The following PRMT5 variants were observed in gnomAD, a reference collection of about 807,000 sequenced individuals.
PRMT5 encodes protein arginine methyltransferase 5.
Under a neutral mutation model 84.0 loss-of-function variants are expected in PRMT5, and 15 were observed. The observed-to-expected ratio is 0.18, with a 90% CI of 0.12 to 0.28. PRMT5 has a LOEUF of 0.28. Among genes scored for constraint, PRMT5 ranks in the 10% least tolerant of loss-of-function variants. The probability of loss-of-function intolerance (pLI) is 1.00; values close to 1 mark genes in which losing one functional copy is unlikely to be tolerated. For missense variants in PRMT5, 486 were observed against 808.0 expected (o/e 0.60, Z 4.83); for synonymous variants, 276 against 292.4 (o/e 0.94, Z 0.57).
rs1271320096 is a variant in PRMT5 at position 22,923,502 on chromosome 14, T to TTATA, written c.1376-343_1376-342insTATA. On this transcript the variant is annotated intron_variant, in intron 12 of 16. Coordinates refer to ENST00000324366, the MANE Select transcript of PRMT5 (RefSeq NM_006109.5). This position sits in a 1 kb window ranked among gnomAD's most constrained non-coding sequence, Gnocchi z 5.2. The stretch of plus-strand genomic sequence containing the variant: ...CTCAGGGTACATATGTCATATTTAT[T>TTATA]TATTTATTTATTTATTTATTTATTT... 1 of 150,214 alleles carries TTATA rather than the reference T, an allele frequency of 6.7e-6. No homozygotes were observed. Among genetic ancestry groups the TTATA allele is most frequent in the Non-Finnish European group, 1.5e-5 (1 of 68,242 alleles). 9.3% of individuals were successfully genotyped at this position (150,214 alleles called of 1,614,324 possible).
chr14:22,926,924 CT>C, intron 4 of PRMT5, 110 bp from the exon 5 acceptor site: 1 of 717,958 alleles, frequency 1.4e-6, no homozygotes. Context: ...CCTTTATATG[CT>C]TTTCCCAATT....
chr14:22,927,485 C>T, intron 4 of PRMT5, 41 bp downstream of exon 4: 1 of 1,611,758 alleles, frequency 6.2e-7, no homozygotes, highest in Non-Finnish European at 8.5e-7. Context: ...CACAATCTGA[C>T]TACTATGATA....
chr14:22,928,015 C>T lies in PRMT5; in HGVS notation c.315+111G>A, dbSNP rs1037771976. 3 of 1,000,560 alleles carry T rather than the reference C, an allele frequency of 3.0e-6. No individual in the cohort carries two copies. The highest frequency in any genetic ancestry group is 2.3e-5 in the Admixed American group (1 of 42,684). The allele number at this position is 1,000,560 out of a possible 1,614,324, so 62.0% of individuals were successfully genotyped here. Reference sequence around the variant, plus strand: ...TGCACCACAGCACCCAGCCTAATAGCTTTAATTTCATTCTATCAGTTAATT... The same window carrying T: ...TGCACCACAGCACCCAGCCTAATAGTTTTAATTTCATTCTATCAGTTAATT... On this transcript the variant is annotated intron_variant, in intron 3 of 16. Transcript: ENST00000324366. The surrounding 1 kb of genome is among the most constrained non-coding windows in gnomAD (Gnocchi z 4.8).
In PRMT5 at chr14:22,920,956, A is replaced by T; in HGVS notation, c.1862T>A (p.Val621Asp). 3 of 1,614,230 alleles carry T rather than the reference A, an allele frequency of 1.9e-6. No homozygotes were observed. The highest frequency in any genetic ancestry group is 1.1e-5 in the South Asian group (1 of 91,088). Reference protein sequence around the residue: ...VWYEWAVTAPVCSAIHNPTGR... With the variant: ...VWYEWAVTAPDCSAIHNPTGR... ...TGTGGGGTTATGAATAGCAGAACAG[A>T]CTGGTGCTGTCACAGCCCACTCATA... The change falls in exon 17 of 17, where the codon GTC becomes GAC. Residue 621 changes from valine to aspartate, a missense_variant. Physicochemically the swap from Val to Asp is radical, Grantham distance 152. This residue lies in a region of PRMT5 where 219 missense variants were observed against 433.6 expected (regional missense o/e 0.51). Transcript: ENST00000324366.
At position 22,926,238 on chromosome 14, in the gene PRMT5, C is replaced by T. The variant is rs1426657818; in HGVS notation, c.672G>A (p.Glu224=). Residue 224 remains glutamate (E), a synonymous_variant, in exon 7 of 17, where the codon GAG becomes GAA. Coordinates refer to ENST00000324366, the MANE Select transcript of PRMT5 (RefSeq NM_006109.5). ...SNHVIDRWLG[E]PIKAAILPTS... is the part of the protein sequence containing the mutation. ...TGGGGAGAATGGCTGCTTTGATGGG[C>T]TCCCCAAGCCAGCGATCAATGACAT... 5.0e-6 allele frequency: 8 copies of T among 1,613,720 alleles called. No homozygotes were observed. The South Asian group carries it at 5.5e-5, about 11-fold the overall frequency.
Position 22,920,621 on chromosome 14 carries a change from A to C in PRMT5, c.*283T>G. Reference sequence around the variant, plus strand: ...AAGGCTGAAAATCCGTTCAAACCCCATGTTCTCAGGGATATTCCAGGGAGT... The same window carrying C: ...AAGGCTGAAAATCCGTTCAAACCCCCTGTTCTCAGGGATATTCCAGGGAGT... On this transcript the variant is annotated 3_prime_UTR_variant, in exon 17 of 17. Transcript: ENST00000324366. The C allele has an allele frequency of 1.5e-6, 1 of 647,970 alleles. No individual in the cohort carries two copies. The highest frequency in any genetic ancestry group is 2.9e-6 in the Non-Finnish European group (1 of 341,900). The allele number at this position is 647,970 out of a possible 1,614,324, so 40.1% of individuals were successfully genotyped here.
chr14:22,923,952 C>T lies in PRMT5; in HGVS notation c.1375+56G>A. On this transcript the variant is annotated intron_variant, in intron 12 of 16. Transcript: ENST00000324366. This position sits in a 1 kb window ranked among gnomAD's most constrained non-coding sequence, Gnocchi z 5.2. The stretch of plus-strand genomic sequence containing the variant: ...TTCCCCTAAACCCTGTACCCTCCTC[C>T]CAGGTTGCTGTCTCACCCATCATCA... 1 of 1,514,556 alleles carries T rather than the reference C, an allele frequency of 6.6e-7. No individual in the cohort carries two copies. Among genetic ancestry groups the T allele is most frequent in the Non-Finnish European group, 8.8e-7 (1 of 1,133,706 alleles). The allele number at this position is 1,514,556 out of a possible 1,614,324, so 93.8% of individuals were successfully genotyped here. A position where few individuals can be genotyped will look rare whatever the true frequency, so the allele number is the denominator to read the frequency against.
chr14:22,923,494 A>ATATT lies in PRMT5; in HGVS notation c.1376-338_1376-335dup, dbSNP rs72266907. 0.23 allele frequency: 33,329 copies of ATATT among 148,128 alleles called. 4,264 individuals carry two copies. Among genetic ancestry groups the ATATT allele is most frequent in the African/African-American group, 0.35 (13,709 of 39,536 alleles). The allele number at this position is 148,128 out of a possible 1,614,324, so 9.2% of individuals were successfully genotyped here. A position where few individuals can be genotyped will look rare whatever the true frequency, so the allele number is the denominator to read the frequency against. ...AAGCTAAGCTCAGGGTACATATGTC[A>ATATT]TATTTATTTATTTATTTATTTATTT... On this transcript the variant is annotated intron_variant, in intron 12 of 16. Coordinates refer to ENST00000324366, the MANE Select transcript of PRMT5 (RefSeq NM_006109.5). This position sits in a 1 kb window ranked among gnomAD's most constrained non-coding sequence, Gnocchi z 5.2.
At chr14:22,921,176 G>T in intron 16 of PRMT5, 120 bp from the exon 17 acceptor site, 2 of 1,230,260 alleles carry the variant, frequency 1.6e-6, no homozygotes, top group Non-Finnish European at 2.3e-6. Flanking sequence ...CCTCATGAAA[G>T]TTATTTGAAG....
intron 1 of PRMT5, 165 bp downstream of exon 1, chr14:22,929,087 C>A: frequency 6.4e-7 from 1 of 1,556,464 alleles, no homozygotes; most frequent in Non-Finnish European, 8.8e-7. Flanking sequence ...AAGTTATTTT[C>A]CTCACGTTAC....
At chr14:22,922,919 C>A in intron 13 of PRMT5, 84 bp from the exon 14 acceptor site, 1 of 1,447,548 alleles carries the variant, frequency 6.9e-7, no homozygotes, top group Non-Finnish European at 9.5e-7. Flanking sequence ...AAAAGTTTTA[C>A]TTTAGTGCTT....
rs928943784 is a variant in PRMT5, at chr14:22,924,680, T to C, written c.969A>G (p.Thr323=). ...TGGGGTCCTTTTCAAACACTTCATA[T>C]GTCTGAGATTCCAGATTGTCCATCA... ...QPLMDNLESQ[T]YEVFEKDPIK... The change falls in exon 9 of 17, where the codon ACA becomes ACG. Residue 323 remains threonine (T), a synonymous_variant. Transcript: ENST00000324366. This position sits in a 1 kb window ranked among gnomAD's most constrained non-coding sequence, Gnocchi z 6.5. The C allele has an allele frequency of 3.1e-6, 5 of 1,614,166 alleles. No individual in the cohort carries two copies. In the South Asian group the frequency reaches 5.5e-5, roughly 18 times the overall value.
At chr14:22,927,487 A>T in intron 4 of PRMT5, 39 bp downstream of exon 4, 1 of 1,612,080 alleles carries the variant, frequency 6.2e-7, no homozygotes, top group Non-Finnish European at 8.5e-7. Flanking sequence ...CAATCTGACT[A>T]CTATGATATG....
chr14:22,928,740 C>T lies in PRMT5; in HGVS notation c.111-125G>A. 1 of 808,170 alleles carries T rather than the reference C, an allele frequency of 1.2e-6. No individual in the cohort carries two copies. Among genetic ancestry groups the T allele is most frequent in the Admixed American group, 1.9e-5 (1 of 53,982 alleles). The allele number at this position is 808,170 out of a possible 1,614,324, so 50.1% of individuals were successfully genotyped here. Reference sequence around the variant, plus strand: ...GCTGCCATCAGTTCAGCCTACTAGGCTGCTGAGTTCAGACCACCTTGGGGG... The same window carrying T: ...GCTGCCATCAGTTCAGCCTACTAGGTTGCTGAGTTCAGACCACCTTGGGGG... On this transcript the variant is annotated intron_variant, in intron 1 of 16. Transcript: ENST00000324366. This position sits in a 1 kb window ranked among gnomAD's most constrained non-coding sequence, Gnocchi z 4.8.
At position 22,923,259 on chromosome 14, in the gene PRMT5, A is replaced by G; in HGVS notation, c.1376-99T>C. On this transcript the variant is annotated intron_variant, in intron 12 of 16. Coordinates refer to ENST00000324366, the MANE Select transcript of PRMT5 (RefSeq NM_006109.5). This position sits in a 1 kb window ranked among gnomAD's most constrained non-coding sequence, Gnocchi z 5.2. Reference sequence around the variant, plus strand: ...GGATCAAACCTCCCATGTCAAAACCAACCAACGTTGGCATGGGCATGGAAG... The same window carrying G: ...GGATCAAACCTCCCATGTCAAAACCGACCAACGTTGGCATGGGCATGGAAG... 1.2e-6 allele frequency: 1 copy of G among 864,618 alleles called. No homozygotes were observed. Among genetic ancestry groups the G allele is most frequent in the Non-Finnish European group, 1.8e-6 (1 of 569,624 alleles). 53.6% of individuals were successfully genotyped at this position (864,618 alleles called of 1,614,324 possible).
intron 3 of PRMT5, among the ~76,000 whole-genome samples, 157 bp downstream of exon 3, chr14:22,927,969 A>C (rs574846972): frequency 2.6e-5 from 4 of 152,250 alleles, no homozygotes; most frequent in Admixed American, 2.6e-4. Flanking sequence ...TCAGCCTCCC[A>C]AAGTGCTAGG....
At position 22,923,930 on chromosome 14, in the gene PRMT5, C is replaced by T; in HGVS notation, c.1375+78G>A. 7 of 1,483,496 alleles carry T rather than the reference C, an allele frequency of 4.7e-6. No homozygotes were observed. The highest frequency in any genetic ancestry group is 6.3e-6 in the Non-Finnish European group (7 of 1,112,054). 91.9% of individuals were successfully genotyped at this position (1,483,496 alleles called of 1,614,324 possible). A position where few individuals can be genotyped will look rare whatever the true frequency, so the allele number is the denominator to read the frequency against. ...TGTGACCCAGGTCCAACCCACTTTC[C>T]CCTAAACCCTGTACCCTCCTCCCAG... On this transcript the variant is annotated intron_variant, in intron 12 of 16. Coordinates refer to ENST00000324366, the MANE Select transcript of PRMT5 (RefSeq NM_006109.5). The surrounding 1 kb of genome is among the most constrained non-coding windows in gnomAD (Gnocchi z 5.2).
At chr14:22,929,206 C>A in intron 1 of PRMT5, 46 bp downstream of exon 1, 1 of 1,614,010 alleles carries the variant, frequency 6.2e-7, no homozygotes, top group Non-Finnish European at 8.5e-7. Context: ...CTTCTCCGTC[C>A]CCGAGTTCGG....
At position 22,928,712 on chromosome 14, in the gene PRMT5, T is replaced by C. The variant is rs1051730415; in HGVS notation, c.111-97A>G. The C allele has an allele frequency of 1.5e-5, 14 of 952,546 alleles. 1 individual carries two copies. The highest frequency in any genetic ancestry group is 2.4e-5 in the Non-Finnish European group (14 of 584,726). 59.0% of individuals were successfully genotyped at this position (952,546 alleles called of 1,614,324 possible). ...GCTATCTTGATTTTGCACAGCCCTT[T>C]CAGCTGCCATCAGTTCAGCCTACTA... On this transcript the variant is annotated intron_variant, in intron 1 of 16. Transcript: ENST00000324366. This position sits in a 1 kb window ranked among gnomAD's most constrained non-coding sequence, Gnocchi z 4.8.
Sources: allele counts gnomAD v4.1 joint callset (sites outside exome capture counted in the v4.1 genomes callset), GRCh38; gene constraint gnomAD v4.1.1; regional missense constraint gnomAD v4.1.1; non-coding constraint Gnocchi (gnomAD v3.1); transcripts MANE v1.5; gene names NCBI Gene and HGNC (gene_info 2026-07-23, HGNC 2026-07-21).